TBC1D8: variants seen among roughly 807,000 people sequenced by gnomAD.
The protein encoded by TBC1D8 is TBC1 domain family member 8, also known as BUB2-like protein 1.
In TBC1D8, 65 loss-of-function variants were observed where a neutral mutation model predicts 118.8. That is an observed-to-expected ratio of 0.55 (90% CI 0.45 to 0.67). The LOEUF (loss-of-function observed/expected upper bound fraction) is 0.67, where lower values mean the gene tolerates loss of function less well. Among genes scored for constraint, TBC1D8 ranks in the 30% least tolerant of loss-of-function variants. TBC1D8 has a pLI of 0.00. For synonymous variants in TBC1D8, 566 were observed against 595.8 expected, an observed-to-expected ratio of 0.95 and a Z score of 0.73; for missense variants, 1,376 against 1,471.2, an observed-to-expected ratio of 0.94 and a Z score of 1.06.
At chr2:101,130,125 C>T (rs150245000) in intron 1 of TBC1D8, among the ~76,000 whole-genome samples, 7 of 152,112 alleles carry the variant, frequency 4.6e-5, no homozygotes, top group Non-Finnish European at 7.4e-5. Flanking sequence ...AGTCGAGGGC[C>T]GGTCCTGCCA....
chr2:101,112,981 C>G (rs796063), intron 1 of TBC1D8, among the ~76,000 whole-genome samples: 3 of 151,892 alleles, frequency 2.0e-5, no homozygotes. Context: ...AACAGCCCAG[C>G]GCACTCTGAT....
At position 101,092,980 on chromosome 2, in the gene TBC1D8, T is replaced by C. The variant is rs188837654; in HGVS notation, c.128-2616A>G. On this transcript the variant is annotated intron_variant, in intron 1 of 19. Coordinates refer to ENST00000409318, the MANE Select transcript of TBC1D8 (RefSeq NM_001330348.2). ...CAACACGTGGAGTCTCTTCTGCCTCTGCACCCTGAGACAGCAAGGCCAACC... is the reference window on the plus strand; with the variant it reads ...CAACACGTGGAGTCTCTTCTGCCTCCGCACCCTGAGACAGCAAGGCCAACC... Among the ~76,000 whole-genome samples, 528 of 152,306 alleles carry C rather than the reference T, an allele frequency of 3.5e-3. 4 individuals are homozygous for C. Among genetic ancestry groups the C allele is most frequent in the African/African-American group, 0.012 (491 of 41,548 alleles).
At chr2:101,110,473 A>C (rs558140377) in intron 1 of TBC1D8, among the ~76,000 whole-genome samples, 2 of 152,276 alleles carry the variant, frequency 1.3e-5, no homozygotes, top group Admixed American at 1.3e-4. Flanking sequence ...CCAGAAGTAC[A>C]TCTGAGCAGC....
Position 101,151,258 on chromosome 2 carries a change from G to T in TBC1D8, c.-5C>A. The T allele has an allele frequency of 8.7e-7, 1 of 1,153,084 alleles. No homozygotes were observed. The highest frequency in any genetic ancestry group is 3.1e-5 in the South Asian group (1 of 31,906). 71.4% of individuals were successfully genotyped at this position (1,153,084 alleles called of 1,614,324 possible). A position where few individuals can be genotyped will look rare whatever the true frequency, so the allele number is the denominator to read the frequency against. ...CTCCTCGGGCTTGAGCCACATCGCGGCGGTCCGGCCGCGCCCGCCGGCCCC... is the reference window on the plus strand; with the variant it reads ...CTCCTCGGGCTTGAGCCACATCGCGTCGGTCCGGCCGCGCCCGCCGGCCCC... On this transcript the variant is annotated 5_prime_UTR_variant, in exon 1 of 20. Coordinates refer to ENST00000409318, the MANE Select transcript of TBC1D8 (RefSeq NM_001330348.2).
rs1329319231 is a variant in TBC1D8 at position 101,038,567 on chromosome 2, A to G, written c.1169T>C (p.Ile390Thr). 6.2e-7 allele frequency: 1 copy of G among 1,613,892 alleles called. No homozygotes were observed. Among genetic ancestry groups the G allele is most frequent in the Non-Finnish European group, 8.5e-7 (1 of 1,179,882 alleles). The change falls in exon 7 of 20, where the codon ATT (isoleucine) becomes ACT (threonine). Residue 390 changes from isoleucine (I) to threonine (T), a missense_variant. Coordinates refer to ENST00000409318, the MANE Select transcript of TBC1D8 (RefSeq NM_001330348.2). Reference sequence around the variant, plus strand: ...CAGGCTGTCTCGGTCCCGGAGCTCAATGAACTGGAAGGCCACCTTGCTTCT... The same window carrying G: ...CAGGCTGTCTCGGTCCCGGAGCTCAGTGAACTGGAAGGCCACCTTGCTTCT... Reference protein sequence around the residue: ...SIRSKVAFQFIELRDRDSLVE... With the variant: ...SIRSKVAFQFTELRDRDSLVE...
intron 9 of TBC1D8, among the ~76,000 whole-genome samples, chr2:101,034,562 G>A (rs1457846735): frequency 1.3e-5 from 2 of 152,182 alleles, no homozygotes; most frequent in Admixed American, 6.5e-5. Flanking sequence ...CTCAGCGGGC[G>A]GGCAAGATGA....
intron 1 of TBC1D8, among the ~76,000 whole-genome samples, chr2:101,130,537 A>C (rs1334406930): frequency 6.6e-6 from 1 of 152,220 alleles, no homozygotes; most frequent in African/African-American, 2.4e-5. Context: ...AAAGGCCCTA[A>C]CCCCCTTGAC....
chr2:101,117,913 ACCT>A (rs887297839), intron 1 of TBC1D8, among the ~76,000 whole-genome samples: 2 of 132,118 alleles, frequency 1.5e-5, no homozygotes, highest in Non-Finnish European at 3.1e-5. Context: ...AAAAAGAGTG[ACCT>A]CCTTCTAATT....
chr2:101,021,101 C>T (rs1295638319), intron 17 of TBC1D8, among the ~76,000 whole-genome samples: 1 of 152,170 alleles, frequency 6.6e-6, no homozygotes, highest in African/African-American at 2.4e-5. Flanking sequence ...AACACCAGAA[C>T]CACAACCACA....
chr2:101,074,742 A>C (rs976393989), intron 2 of TBC1D8, among the ~76,000 whole-genome samples: 1 of 152,256 alleles, frequency 6.6e-6, no homozygotes, highest in Non-Finnish European at 1.5e-5. Flanking sequence ...GTATAAGAGA[A>C]GAAATATAAA....
chr2:101,126,137 G>C (rs80041436), intron 1 of TBC1D8, among the ~76,000 whole-genome samples: 1 of 152,222 alleles, frequency 6.6e-6, no homozygotes, highest in African/African-American at 2.4e-5. Context: ...GAAGGGAGCT[G>C]GCATATACAG....
At chr2:101,135,983 C>G (rs866370054) in intron 1 of TBC1D8, among the ~76,000 whole-genome samples, 40 of 152,312 alleles carry the variant, frequency 2.6e-4, no homozygotes, top group South Asian at 1.0e-3. Context: ...CTCAGCCTCC[C>G]AAGTAGCTGG....
chr2:101,084,585 G>A lies in TBC1D8; in HGVS notation c.283+5624C>T, dbSNP rs144336750. Among the ~76,000 whole-genome samples the A allele has an allele frequency of 5.3e-5, 8 of 152,162 alleles. No individual in the cohort carries two copies. The East Asian group carries it at 7.7e-4, about 15-fold the overall frequency. ...AAACACACATCCCTTCCATGCAGCCGTTCCTCAGGATGTGCTCTGCAAGGG... is the reference window on the plus strand; with the variant it reads ...AAACACACATCCCTTCCATGCAGCCATTCCTCAGGATGTGCTCTGCAAGGG... On this transcript the variant is annotated intron_variant, in intron 2 of 19. Transcript: ENST00000409318.
intron 1 of TBC1D8, among the ~76,000 whole-genome samples, chr2:101,127,111 T>G (rs994977150): frequency 6.6e-6 from 1 of 152,036 alleles, no homozygotes; most frequent in Non-Finnish European, 1.5e-5. Context: ...CCGAGGCAGG[T>G]GGATCACGAG....
chr2:101,101,268 T>C (rs1676811645), intron 1 of TBC1D8, among the ~76,000 whole-genome samples: 1 of 152,180 alleles, frequency 6.6e-6, no homozygotes, highest in South Asian at 2.1e-4. Flanking sequence ...AAAGAAGATA[T>C]TTACGCAGCC....
intron 1 of TBC1D8, among the ~76,000 whole-genome samples, chr2:101,100,780 C>T (rs1280483786): frequency 6.6e-6 from 1 of 152,076 alleles, no homozygotes. Flanking sequence ...CAAAAATAAG[C>T]AATCGGGAAA....
intron 14 of TBC1D8, 64 bp from the exon 15 acceptor site, chr2:101,027,515 A>G (rs2105383438): frequency 6.8e-7 from 1 of 1,471,704 alleles, no homozygotes; most frequent in Middle Eastern, 1.7e-4. Context: ...GGTCAGGGCA[A>G]GAGGGGACTC....
At chr2:101,056,207 A>AT (rs201834408) in intron 3 of TBC1D8, among the ~76,000 whole-genome samples, 9 of 140,258 alleles carry the variant, frequency 6.4e-5, no homozygotes, top group South Asian at 2.3e-4. Context: ...TATTATTATT[A>AT]TTTTTTTTTT....
Position 101,090,347 on chromosome 2 carries a change from G to A in TBC1D8, c.145C>T (p.Leu49=). ...GRLTGRLVGA[L]DAVLDSNARV... The stretch of plus-strand genomic sequence containing the variant: ...GCATTGGAATCCAACACTGCATCCA[G>A]AGCGCCGACCAGGCGACCTTCAAAA... Residue 49 remains leucine (L), a synonymous_variant, in exon 2 of 20, where the codon CTG becomes TTG. Coordinates refer to ENST00000409318, the MANE Select transcript of TBC1D8 (RefSeq NM_001330348.2). 1 of 1,614,026 alleles carries A rather than the reference G, an allele frequency of 6.2e-7. No individual in the cohort carries two copies. Among genetic ancestry groups the A allele is most frequent in the Non-Finnish European group, 8.5e-7 (1 of 1,179,882 alleles).
Sources: gnomAD v4.1 joint callset for allele counts (sites outside exome capture counted in the v4.1 genomes callset) on GRCh38, gnomAD v4.1.1 for gene constraint, MANE v1.5 for transcripts, NCBI Gene and HGNC (gene_info 2026-07-23, HGNC 2026-07-21) for gene names.